The following HIBADH variants were observed in gnomAD, a reference collection of about 807,000 sequenced individuals.
HIBADH encodes 3-hydroxyisobutyrate dehydrogenase.
Under a neutral mutation model 36.1 loss-of-function variants are expected in HIBADH, and 25 were observed. The ratio of observed to expected loss-of-function variants is 0.69; its 90% CI spans 0.50 to 0.97. The LOEUF (loss-of-function observed/expected upper bound fraction) is 0.97. Ranked by LOEUF, HIBADH falls within the 50% of genes least tolerant of loss-of-function variation. The pLI, the probability that HIBADH is intolerant of heterozygous loss-of-function variation, is 0.00. For missense variants in HIBADH, 421 were observed against 418.0 expected (o/e 1.01, Z -0.06); for synonymous variants, 160 against 149.5 (o/e 1.07, Z -0.51).
At chr7:27,655,830 C>T (rs959262707) in intron 1 of HIBADH, among the ~76,000 whole-genome samples, 6 of 152,056 alleles carry the variant, frequency 3.9e-5, no homozygotes, top group African/African-American at 1.4e-4. Flanking sequence ...TACCATTTTT[C>T]ACCTGTTGGA....
chr7:27,613,724 T>C (rs980354742), intron 4 of HIBADH, among the ~76,000 whole-genome samples: 15 of 149,642 alleles, frequency 1.0e-4, no homozygotes, highest in African/African-American at 3.7e-4. Context: ...AGTGGCACAA[T>C]CTCAGCTCAC....
intron 1 of HIBADH, among the ~76,000 whole-genome samples, chr7:27,650,856 A>C (rs1181872737): frequency 6.6e-6 from 1 of 152,116 alleles, no homozygotes; most frequent in Non-Finnish European, 1.5e-5. Context: ...AGTACTATGG[A>C]AATAGCGTTA....
At chr7:27,598,481 T>C (rs916559126) in intron 4 of HIBADH, among the ~76,000 whole-genome samples, 1 of 152,184 alleles carries the variant, frequency 6.6e-6, no homozygotes. Flanking sequence ...CAAGCATCAA[T>C]TAGAAGTACA....
chr7:27,618,940 T>C (rs374551297), intron 4 of HIBADH, among the ~76,000 whole-genome samples: 1 of 152,172 alleles, frequency 6.6e-6, no homozygotes, highest in Non-Finnish European at 1.5e-5. Context: ...TGTTAAACTT[T>C]CATAAGAAAT....
At chr7:27,542,658 C>A (rs1784172542) in intron 5 of HIBADH, among the ~76,000 whole-genome samples, 1 of 151,598 alleles carries the variant, frequency 6.6e-6, no homozygotes, top group African/African-American at 2.4e-5. Flanking sequence ...TACTATGTTG[C>A]CCTGGCTGGT....
chr7:27,570,034 GCA>G (rs1375779109), intron 4 of HIBADH, among the ~76,000 whole-genome samples: 2 of 152,194 alleles, frequency 1.3e-5, no homozygotes, highest in African/African-American at 4.8e-5. Flanking sequence ...TTGCACCTGT[GCA>G]CAGTCCTAGG....
intron 4 of HIBADH, among the ~76,000 whole-genome samples, chr7:27,614,939 T>C (rs1785400635): frequency 6.6e-6 from 1 of 152,220 alleles, no homozygotes; most frequent in African/African-American, 2.4e-5. Context: ...AGGACTGATC[T>C]GATCTCTCCT....
At position 27,592,678 on chromosome 7, in the gene HIBADH, G is replaced by A. The variant is rs1169561800; in HGVS notation, c.484+36693C>T. ...ATATCTCTAGCTCAAGCTACCATCC[G>A]TGTGTGCCTGGACTACTACAAATGC... On this transcript the variant is annotated intron_variant, in intron 4 of 7. Coordinates refer to ENST00000265395, the MANE Select transcript of HIBADH (RefSeq NM_152740.4). Among the ~76,000 whole-genome samples the A allele has an allele frequency of 2.0e-5, 3 of 151,542 alleles. No homozygotes were observed. In the East Asian group the frequency reaches 5.8e-4, roughly 29 times the overall value.
intron 4 of HIBADH, among the ~76,000 whole-genome samples, chr7:27,552,818 A>G (rs745645472): frequency 3.9e-5 from 6 of 152,244 alleles, no homozygotes; most frequent in Non-Finnish European, 8.8e-5. Context: ...TGATGGAGTG[A>G]CAATATATTC....
chr7:27,647,745 G>A (rs1321895017), intron 2 of HIBADH: 1 of 396,936 alleles, frequency 2.5e-6, no homozygotes, highest in Admixed American at 3.2e-5. Flanking sequence ...TTCAGAGTAT[G>A]AGGTAATTCA....
chr7:27,551,984 T>G (rs1260507423), intron 4 of HIBADH, among the ~76,000 whole-genome samples: 3 of 152,158 alleles, frequency 2.0e-5, no homozygotes, highest in African/African-American at 7.2e-5. Context: ...TGCTATGGTG[T>G]CTCTATTGTT....
chr7:27,655,096 T>C (rs1786273391), intron 1 of HIBADH, among the ~76,000 whole-genome samples: 1 of 152,208 alleles, frequency 6.6e-6, no homozygotes, highest in Non-Finnish European at 1.5e-5. Context: ...CTAATAAAGC[T>C]GTTTTTAAAA....
In HIBADH at chr7:27,526,280, T is replaced by G. The variant is rs752947575; in HGVS notation, c.945A>C (p.Ala315=). The G allele has an allele frequency of 8.1e-6, 13 of 1,613,794 alleles. No individual in the cohort carries two copies. The Middle Eastern group carries it at 5.0e-4, about 61-fold the overall frequency. ...AGAAGTCTTTCTTTGAGTAGCCCTT[T>G]GCACACATCATCCTGTAGATCTGAT... ...LAHQIYRMMC[A]KGYSKKDFSS... is the part of the protein sequence containing the mutation. Residue 315 remains alanine (A), a synonymous_variant, in exon 8 of 8, where the codon GCA becomes GCC. Coordinates refer to ENST00000265395, the MANE Select transcript of HIBADH (RefSeq NM_152740.4).
At chr7:27,585,826 T>C (rs546690986) in intron 4 of HIBADH, among the ~76,000 whole-genome samples, 34 of 148,110 alleles carry the variant, frequency 2.3e-4, no homozygotes, top group African/African-American at 8.7e-4. Flanking sequence ...AATGGTTGTA[T>C]TTTCTAGGTA....
chr7:27,530,545 AC>A (rs1783979066), intron 7 of HIBADH, among the ~76,000 whole-genome samples: 1 of 151,920 alleles, frequency 6.6e-6, no homozygotes, highest in East Asian at 1.9e-4. Flanking sequence ...AAACAAACAA[AC>A]AAACAAACAA....
intron 4 of HIBADH, among the ~76,000 whole-genome samples, chr7:27,617,392 A>G (rs1217101968): frequency 1.3e-5 from 2 of 152,206 alleles, no homozygotes; most frequent in South Asian, 2.1e-4. Context: ...TAAGTGACAC[A>G]ACACTGCATT....
At chr7:27,588,038 C>T (rs1433920414) in intron 4 of HIBADH, among the ~76,000 whole-genome samples, 2 of 152,216 alleles carry the variant, frequency 1.3e-5, no homozygotes, top group East Asian at 1.9e-4. Flanking sequence ...AGGGATTACA[C>T]AGTGATATCT....
intron 2 of HIBADH, among the ~76,000 whole-genome samples, chr7:27,643,786 T>C (rs1786004313): frequency 6.6e-6 from 1 of 152,146 alleles, no homozygotes; most frequent in South Asian, 2.1e-4. Flanking sequence ...GGAGGATCTG[T>C]CTTTGCCTTT....
intron 2 of HIBADH, among the ~76,000 whole-genome samples, chr7:27,647,499 C>T (rs1395470991): frequency 6.6e-6 from 1 of 152,192 alleles, no homozygotes; most frequent in Non-Finnish European, 1.5e-5. Context: ...GATAGCACTT[C>T]TGTTGCAAAG....
Sources: gnomAD v4.1 joint callset for allele counts (sites outside exome capture counted in the v4.1 genomes callset) on GRCh38, gnomAD v4.1.1 for gene constraint, MANE v1.5 for transcripts, NCBI Gene and HGNC (gene_info 2026-07-23, HGNC 2026-07-21) for gene names.